Variants in AMOTL1 observed in about 807,000 individuals in gnomAD.
AMOTL1 encodes angiomotin like 1, also known as angiomotin-like protein 1.
In AMOTL1, 45 loss-of-function variants were observed where a neutral mutation model predicts 102.9. The observed-to-expected ratio is 0.44, with a 90% CI of 0.34 to 0.56. AMOTL1 has a LOEUF of 0.56. Among genes scored for constraint, AMOTL1 ranks in the 20% least tolerant of loss-of-function variants. The probability of loss-of-function intolerance (pLI) is 0.01; values close to 1 mark genes in which losing one functional copy is unlikely to be tolerated. For missense variants in AMOTL1, 1,114 were observed against 1,225.6 expected (o/e 0.91, Z 1.36); for synonymous variants, 481 against 484.7 (o/e 0.99, Z 0.10).
intron 3 of AMOTL1, among the ~76,000 whole-genome samples, chr11:94,801,437 T>TA (rs1427547485): frequency 6.6e-6 from 1 of 152,128 alleles, no homozygotes; most frequent in Non-Finnish European, 1.5e-5. Flanking sequence ...GGTGTCGTAT[T>TA]AAGGAGTTTA....
At chr11:94,836,967 CACCA>C (rs1952196165) in intron 6 of AMOTL1, among the ~76,000 whole-genome samples, 1 of 152,010 alleles carries the variant, frequency 6.6e-6, no homozygotes, top group African/African-American at 2.4e-5. Flanking sequence ...CAGGTGCTCA[CACCA>C]ACCAATCCAT....
chr11:94,753,809 T>G, intron 3 of AMOTL1, among the ~76,000 whole-genome samples: 1 of 152,208 alleles, frequency 6.6e-6, no homozygotes, highest in East Asian at 1.9e-4. Flanking sequence ...CTACAAAACC[T>G]TAGCTTGACT....
intron 3 of AMOTL1, among the ~76,000 whole-genome samples, chr11:94,755,521 T>A (rs1591933428): frequency 6.6e-6 from 1 of 152,316 alleles, no homozygotes; most frequent in African/African-American, 2.4e-5. Context: ...ATTATAACGA[T>A]TTCTTTATAG....
intron 1 of AMOTL1, among the ~76,000 whole-genome samples, chr11:94,789,457 C>T (rs1314301038): frequency 2.0e-5 from 3 of 152,212 alleles, no homozygotes; most frequent in Non-Finnish European, 4.4e-5. Flanking sequence ...CCGTGCCCGG[C>T]ACTGTTTCCT....
intron 1 of AMOTL1, among the ~76,000 whole-genome samples, chr11:94,727,007 T>C (rs926399541): frequency 2.0e-5 from 3 of 152,110 alleles, no homozygotes; most frequent in Non-Finnish European, 4.4e-5. Context: ...TTCAGATTAA[T>C]AAAATAAAAT....
intron 4 of AMOTL1, among the ~76,000 whole-genome samples, chr11:94,826,963 A>G (rs1951978688): frequency 6.6e-6 from 1 of 152,182 alleles, no homozygotes; most frequent in South Asian, 2.1e-4. Context: ...AGTAAACTAT[A>G]TCATGGTAGG....
intron 8 of AMOTL1, among the ~76,000 whole-genome samples, chr11:94,858,074 C>A (rs1243287745): frequency 6.6e-6 from 1 of 152,092 alleles, no homozygotes; most frequent in East Asian, 1.9e-4. Flanking sequence ...AAAAATAAGC[C>A]AGCTGAGATG....
rs1488619047 is a variant in AMOTL1, at chr11:94,722,010, G to C, written c.-50-6911G>C. On this transcript the variant is annotated intron_variant, in intron 1 of 4. Coordinates refer to the AMOTL1 transcript ENST00000299004. ...GGGCTCTTTGTCTCTTTGCCTCATA[G>C]ACTTCAGCCTAGCTCCTTCTCTCAC... 2.0e-5 allele frequency among the ~76,000 whole-genome samples: 3 copies of C among 152,076 alleles called. No individual in the cohort carries two copies. In the East Asian group the frequency reaches 5.8e-4, roughly 29 times the overall value.
intron 6 of AMOTL1, among the ~76,000 whole-genome samples, chr11:94,841,511 A>G (rs1340731770): frequency 6.6e-6 from 1 of 152,220 alleles, no homozygotes; most frequent in Admixed American, 6.5e-5. Context: ...GGTGGTTACA[A>G]AAAGTTTAAG....
chr11:94,842,169 C>T (rs1952315471), intron 6 of AMOTL1, among the ~76,000 whole-genome samples: 1 of 152,180 alleles, frequency 6.6e-6, no homozygotes, highest in Non-Finnish European at 1.5e-5. Context: ...CCAATAGCAT[C>T]CTCTTATTCA....
chr11:94,869,427 C>T lies in AMOTL1; in HGVS notation c.2718C>T (p.Ser906=), dbSNP rs1192417512. ...RGRLSTTPAH[S]PVLKHPAAKG... is the part of the protein sequence containing the mutation. The stretch of plus-strand genomic sequence containing the variant: ...GGCTGAGCACGACCCCTGCTCACAG[C>T]CCCGTCCTGAAACACCCAGCGGCCA... Residue 906 remains serine, a synonymous_variant, in exon 12 of 13, where the codon AGC becomes AGT. Transcript: ENST00000433060. The T allele has an allele frequency of 6.2e-7, 1 of 1,604,244 alleles. No homozygotes were observed. The highest frequency in any genetic ancestry group is 1.1e-5 in the South Asian group (1 of 89,102).
intron 1 of AMOTL1, among the ~76,000 whole-genome samples, chr11:94,719,566 A>ACG (rs1555056072): frequency 6.8e-6 from 1 of 148,026 alleles, no homozygotes; most frequent in Non-Finnish European, 1.5e-5. Context: ...CAGAGCGAAA[A>ACG]TGTGTGTGTG....
intron 3 of AMOTL1, among the ~76,000 whole-genome samples, chr11:94,807,579 G>T (rs1246557715): frequency 6.6e-6 from 1 of 152,136 alleles, no homozygotes; most frequent in Non-Finnish European, 1.5e-5. Flanking sequence ...CCCATCACTT[G>T]CAGTAATAGC....
intron 1 of AMOTL1, among the ~76,000 whole-genome samples, chr11:94,711,944 A>G (rs1397625665): frequency 1.3e-5 from 2 of 152,084 alleles, no homozygotes; most frequent in Non-Finnish European, 2.9e-5. Flanking sequence ...ATTTTCATTT[A>G]TTTGGGATAA....
chr11:94,868,484 C>T (rs890773850), intron 11 of AMOTL1, among the ~76,000 whole-genome samples: 4 of 152,176 alleles, frequency 2.6e-5, no homozygotes, highest in African/African-American at 9.7e-5. Flanking sequence ...ACCCCAGCCT[C>T]ACTACTCTTG....
intron 3 of AMOTL1, among the ~76,000 whole-genome samples, chr11:94,816,516 G>T (rs1951769105): frequency 6.6e-6 from 1 of 152,102 alleles, no homozygotes; most frequent in Non-Finnish European, 1.5e-5. Flanking sequence ...TTTGCCTTTT[G>T]GTAACTGGCC....
At position 94,707,829 on chromosome 11, in the gene AMOTL1, C is replaced by T. The variant is rs192294344; in HGVS notation, c.-51+1232C>T. ...GATTTGGGAACACATTCAGCAGATT[C>T]GAACTCCATATTATTTCTCAAATCC... On this transcript the variant is annotated intron_variant, in intron 1 of 4. Transcript: ENST00000299004. Among the ~76,000 whole-genome samples, 754 of 152,234 alleles carry T rather than the reference C, an allele frequency of 5.0e-3. 5 individuals carry two copies. Among genetic ancestry groups the T allele is most frequent in the Non-Finnish European group, 8.2e-3 (556 of 68,004 alleles).
At position 94,710,582 on chromosome 11, in the gene AMOTL1, G is replaced by A. The variant is rs114670060; in HGVS notation, c.-51+3985G>A. Among the ~76,000 whole-genome samples the A allele has an allele frequency of 9.3e-3, 1,416 of 152,276 alleles. 13 individuals are homozygous for A. The highest frequency in any genetic ancestry group is 0.012 in the African/African-American group (505 of 41,564). On this transcript the variant is annotated intron_variant, in intron 1 of 4. Coordinates refer to the AMOTL1 transcript ENST00000299004. The stretch of plus-strand genomic sequence containing the variant: ...AGCTAACAGTGGCAGTAGTGACAGC[G>A]TTGGAGCAGTACTAATGATACTTTG...
intron 8 of AMOTL1, 48 bp from the exon 9 acceptor site, chr11:94,859,477 A>C: frequency 6.5e-7 from 1 of 1,543,966 alleles, no homozygotes; most frequent in Non-Finnish European, 8.8e-7. Flanking sequence ...TTGTGTAGAC[A>C]GCATTGATGT....
Sources: gnomAD v4.1 joint callset for allele counts (sites outside exome capture counted in the v4.1 genomes callset) on GRCh38, gnomAD v4.1.1 for gene constraint, MANE v1.5 for transcripts, NCBI Gene and HGNC (gene_info 2026-07-23, HGNC 2026-07-21) for gene names.